NEIL3: variants seen among roughly 807,000 people sequenced by gnomAD.
NEIL3 encodes nei like DNA glycosylase 3.
In NEIL3, 48 loss-of-function variants were observed where a neutral mutation model predicts 57.5. That is an observed-to-expected ratio of 0.83 (90% CI 0.66 to 1.06). The LOEUF (loss-of-function observed/expected upper bound fraction) is 1.06. NEIL3 is among the 50% of genes least tolerant of loss of function. NEIL3 has a pLI of 0.00. For synonymous variants in NEIL3, 261 were observed against 253.2 expected (o/e 1.03, Z -0.29); for missense variants, 717 against 739.1 (o/e 0.97, Z 0.35).
chr4:177,358,290 A>G (rs1048642279), intron 8 of NEIL3, among the ~76,000 whole-genome samples: 1 of 151,896 alleles, frequency 6.6e-6, no homozygotes, highest in African/African-American at 2.4e-5. Flanking sequence ...ACACGTGGCT[A>G]TGTTTTTGTT....
intron 2 of NEIL3, among the ~76,000 whole-genome samples, chr4:177,332,994 C>A (rs28543980): frequency 1.3e-5 from 2 of 151,998 alleles, no homozygotes; most frequent in African/African-American, 4.8e-5. Context: ...TCACTTTCAG[C>A]CTTCTGCATC....
chr4:177,361,259 G>A (rs1256119417), intron 9 of NEIL3, among the ~76,000 whole-genome samples: 3 of 152,138 alleles, frequency 2.0e-5, no homozygotes, highest in African/African-American at 4.8e-5. Flanking sequence ...CCTCAGGTCC[G>A]TTTAGTCAGT....
At chr4:177,356,518 C>A (rs1449349687) in intron 8 of NEIL3, among the ~76,000 whole-genome samples, 1 of 152,194 alleles carries the variant, frequency 6.6e-6, no homozygotes, top group Non-Finnish European at 1.5e-5. Flanking sequence ...TCATTTATTT[C>A]ATTTTTCTCC....
chr4:177,347,423 C>T (rs1385106393), intron 6 of NEIL3, among the ~76,000 whole-genome samples: 5 of 152,134 alleles, frequency 3.3e-5, no homozygotes, highest in African/African-American at 4.8e-5. Flanking sequence ...TTTGAACGGG[C>T]GTGAAATAAC....
intron 6 of NEIL3, 22 bp downstream of exon 6, chr4:177,341,664 G>T (rs1735095864): frequency 6.3e-7 from 1 of 1,596,940 alleles, no homozygotes; most frequent in African/African-American, 1.3e-5. Flanking sequence ...AATTTAAAGG[G>T]ATACCATTTG....
intron 8 of NEIL3, among the ~76,000 whole-genome samples, chr4:177,355,664 T>C (rs1310777583): frequency 6.6e-6 from 1 of 152,290 alleles, no homozygotes; most frequent in East Asian, 1.9e-4. Flanking sequence ...AGCTGTGCCT[T>C]TACTGATGGG....
At chr4:177,343,329 T>A (rs1735137927) in intron 6 of NEIL3, 1 of 152,114 alleles carries the variant, frequency 6.6e-6, no homozygotes, top group Non-Finnish European at 1.5e-5. Context: ...TTCCAACTTC[T>A]CAGTTCAGTA....
rs749430879 is a variant in NEIL3, at chr4:177,351,206, CAAAAAAAAAAAAAA to C, written c.870-155_870-142del. On this transcript the variant is annotated intron_variant, in intron 6 of 9. Transcript: ENST00000264596. Reference sequence around the variant, plus strand: ...ATGACAGAGCAAGACCCCATCTCTACAAAAAAAAAAAAAAAAAAAAAAAAAAAAAAAAGACTCTA... The same window carrying C: ...ATGACAGAGCAAGACCCCATCTCTACAAAAAAAAAAAAAAAAAAGACTCTA... Among the ~76,000 whole-genome samples, 368 of 58,516 alleles carry C rather than the reference CAAAAAAAAAAAAAA, an allele frequency of 6.3e-3. 2 individuals carry two copies. The East Asian group carries it at 0.15, about 24-fold the overall frequency. The allele number at this position is 58,516 out of a possible 152,430, so 38.4% of individuals were successfully genotyped here. A position where few individuals can be genotyped will look rare whatever the true frequency, so the allele number is the denominator to read the frequency against.
chr4:177,330,239 T>C (rs1303358821), intron 2 of NEIL3, among the ~76,000 whole-genome samples: 1 of 152,214 alleles, frequency 6.6e-6, no homozygotes, highest in East Asian at 1.9e-4. Flanking sequence ...TGGAAATCAA[T>C]GTGCTTCTAA....
intron 2 of NEIL3, among the ~76,000 whole-genome samples, chr4:177,333,196 T>C (rs1393508897): frequency 6.6e-6 from 1 of 152,200 alleles, no homozygotes; most frequent in African/African-American, 2.4e-5. Context: ...TTGCAAAATG[T>C]AGTTGTCATT....
At chr4:177,310,219 C>T (rs1004446306) in intron 1 of NEIL3, 110 bp downstream of exon 1, 2 of 1,198,064 alleles carry the variant, frequency 1.7e-6, no homozygotes, top group Non-Finnish European at 2.2e-6. Flanking sequence ...GCCCAGGTTT[C>T]CTGGGGTCCC....
chr4:177,347,691 A>C (rs1579002372), intron 6 of NEIL3, among the ~76,000 whole-genome samples: 1 of 152,188 alleles, frequency 6.6e-6, no homozygotes, highest in African/African-American at 2.4e-5. Context: ...AAAAAGGTTG[A>C]ATTTAGGATA....
intron 2 of NEIL3, among the ~76,000 whole-genome samples, chr4:177,324,731 G>A (rs1194338363): frequency 6.6e-6 from 1 of 152,090 alleles, no homozygotes; most frequent in African/African-American, 2.4e-5. Context: ...GTACTCAGTA[G>A]AGAAAACTGA....
chr4:177,316,858 A>G (rs1734583094), intron 1 of NEIL3, among the ~76,000 whole-genome samples: 1 of 152,234 alleles, frequency 6.6e-6, no homozygotes. Flanking sequence ...TTTGGCAGGT[A>G]GAAAGCCTCA....
chr4:177,353,595 C>T lies in NEIL3; in HGVS notation c.1327C>T (p.Pro443Ser), dbSNP rs1391986080. ...GAAGACAACAAACGATATAACTCAA[C>T]CATCCAGCAAAGTAAACATATCACC... is the stretch of plus-strand genomic sequence containing the variant. Reference protein sequence around the residue: ...SKKTTNDITQPSSKVNISPTI... With the variant: ...SKKTTNDITQSSSKVNISPTI... The change falls in exon 8 of 10, where the codon CCA becomes TCA. Residue 443 changes from proline (P) to serine (S), a missense_variant. Transcript: ENST00000264596. 6.2e-7 allele frequency: 1 copy of T among 1,613,426 alleles called. No individual in the cohort carries two copies. The highest frequency in any genetic ancestry group is 1.7e-5 in the Admixed American group (1 of 59,986).
chr4:177,326,854 G>A (rs951462419), intron 2 of NEIL3, among the ~76,000 whole-genome samples: 1 of 152,004 alleles, frequency 6.6e-6, no homozygotes, highest in African/African-American at 2.4e-5. Flanking sequence ...TGCAGTGTAT[G>A]GAAATACAAT....
In NEIL3 at chr4:177,354,762, G is replaced by A. The variant is rs1164653408; in HGVS notation, c.1460+1034G>A. Among the ~76,000 whole-genome samples the A allele has an allele frequency of 3.9e-5, 6 of 152,144 alleles. 1 individual carries two copies. The highest frequency in any genetic ancestry group is 7.3e-5 in the Non-Finnish European group (5 of 68,036). ...CTTCCAAAGTGCTGGGATTACAGGC[G>A]TGAGCCACTACGCCTGGCGTTGTTC... is the stretch of plus-strand genomic sequence containing the variant. On this transcript the variant is annotated intron_variant, in intron 8 of 9. Transcript: ENST00000264596.
chr4:177,353,765 C>CT (rs377620463), intron 8 of NEIL3, 37 bp downstream of exon 8: 66,629 of 1,210,926 alleles, frequency 0.055, 882 homozygotes, highest in African/African-American at 0.18. Flanking sequence ...AAGATAATTG[C>CT]TTTTTTTTTT....
intron 1 of NEIL3, among the ~76,000 whole-genome samples, chr4:177,312,539 G>A (rs1185756484): frequency 6.6e-6 from 1 of 152,032 alleles, no homozygotes; most frequent in African/African-American, 2.4e-5. Flanking sequence ...AGCTTCTATG[G>A]CCATGTTTGG....
Sources: gnomAD v4.1 joint callset for allele counts (sites outside exome capture counted in the v4.1 genomes callset) on GRCh38, gnomAD v4.1.1 for gene constraint, MANE v1.5 for transcripts, NCBI Gene and HGNC (gene_info 2026-07-23, HGNC 2026-07-21) for gene names.